DGKB: variants seen among roughly 807,000 people sequenced by gnomAD.
DGKB encodes 90 kDa diacylglycerol kinase.
A neutral mutation model predicts 114.3 loss-of-function variants in DGKB; 67 were observed. The observed-to-expected ratio is 0.59, with a 90% CI of 0.48 to 0.72. The LOEUF (loss-of-function observed/expected upper bound fraction) is 0.72. Among genes scored for constraint, DGKB ranks in the 30% least tolerant of loss-of-function variants. The pLI, the probability that DGKB is intolerant of heterozygous loss-of-function variation, is 0.00. For synonymous variants in DGKB, 398 were observed against 323.1 expected (o/e 1.23, Z -2.49); for missense variants, 907 against 975.2 (o/e 0.93, Z 0.93).
intron 2 of DGKB, among the ~76,000 whole-genome samples, chr7:14,818,337 C>G (rs1177528749): frequency 6.6e-6 from 1 of 152,160 alleles, no homozygotes; most frequent in African/African-American, 2.4e-5. Flanking sequence ...AGATACTTAA[C>G]TCTGCCTCCT....
chr7:14,532,526 T>A (rs1358738680), intron 20 of DGKB, among the ~76,000 whole-genome samples: 1 of 151,344 alleles, frequency 6.6e-6, no homozygotes, highest in Non-Finnish European at 1.5e-5. Context: ...TAAGTAAAAA[T>A]AGTGTTAGAG....
intron 23 of DGKB, among the ~76,000 whole-genome samples, chr7:14,291,522 C>G (rs1346353535): frequency 6.6e-6 from 1 of 152,066 alleles, no homozygotes; most frequent in Non-Finnish European, 1.5e-5. Flanking sequence ...TGGTTTCGTT[C>G]AGAAATCAGT....
intron 23 of DGKB, among the ~76,000 whole-genome samples, chr7:14,295,860 C>A (rs920932035): frequency 6.6e-6 from 1 of 151,964 alleles, no homozygotes; most frequent in Non-Finnish European, 1.5e-5. Flanking sequence ...ACCCTAGCCC[C>A]CCAACCCAGA....
At chr7:14,607,283 G>T in intron 17 of DGKB, 151 bp downstream of exon 17, 1 of 538,234 alleles carries the variant, frequency 1.9e-6, no homozygotes, top group Non-Finnish European at 3.4e-6. Context: ...ACCAGTATTT[G>T]CACTCATTTC....
intron 2 of DGKB, among the ~76,000 whole-genome samples, chr7:14,780,438 T>C (rs1203384812): frequency 6.6e-6 from 1 of 152,200 alleles, no homozygotes; most frequent in African/African-American, 2.4e-5. Flanking sequence ...CATATAATAG[T>C]GTTATTTATT....
chr7:14,174,412 G>T (rs1198630753), intron 25 of DGKB, among the ~76,000 whole-genome samples: 1 of 151,746 alleles, frequency 6.6e-6, no homozygotes, highest in South Asian at 2.1e-4. Flanking sequence ...GACATTCTAA[G>T]AACTTTTTTT....
chr7:14,383,119 C>A (rs1819754013), intron 21 of DGKB, among the ~76,000 whole-genome samples: 1 of 152,082 alleles, frequency 6.6e-6, no homozygotes, highest in South Asian at 2.1e-4. Context: ...AACTGGAATA[C>A]TGCTTTTTGT....
chr7:14,273,071 A>T (rs181877629), intron 23 of DGKB, among the ~76,000 whole-genome samples: 1 of 152,298 alleles, frequency 6.6e-6, no homozygotes, highest in Non-Finnish European at 1.5e-5. Flanking sequence ...GGGGTCTAGC[A>T]TGGTGACTCA....
chr7:14,243,195 A>G (rs1177410928), intron 23 of DGKB, among the ~76,000 whole-genome samples: 2 of 152,180 alleles, frequency 1.3e-5, no homozygotes, highest in Non-Finnish European at 2.9e-5. Context: ...ACACTTGCTT[A>G]TTGCTTTGAG....
intron 1 of DGKB, among the ~76,000 whole-genome samples, chr7:14,915,024 A>G (rs1784173350): frequency 6.6e-6 from 1 of 152,140 alleles, no homozygotes; most frequent in Non-Finnish European, 1.5e-5. Context: ...CTAACCAAGA[A>G]TTATGGGACA....
intron 20 of DGKB, among the ~76,000 whole-genome samples, chr7:14,504,992 T>C (rs1786803284): frequency 6.6e-6 from 1 of 152,168 alleles, no homozygotes; most frequent in Non-Finnish European, 1.5e-5. Context: ...TCAACACCTG[T>C]TGGGTCAGAA....
intron 21 of DGKB, among the ~76,000 whole-genome samples, chr7:14,350,412 A>C (rs1813237670): frequency 1.3e-5 from 2 of 151,884 alleles, no homozygotes; most frequent in African/African-American, 4.8e-5. Flanking sequence ...CAAACAAACG[A>C]AACAGTAAAG....
At chr7:14,784,411 AGGCTGGAAGGCAGT>A (rs1251442700) in intron 2 of DGKB, among the ~76,000 whole-genome samples, 2 of 136,700 alleles carry the variant, frequency 1.5e-5, no homozygotes, top group Non-Finnish European at 3.0e-5. Context: ...TCTGTAGCCC[AGGCTGGAAGGCAGT>A]GGTTCGATCT....
At chr7:14,888,514 A>G (rs2128222504) in intron 1 of DGKB, among the ~76,000 whole-genome samples, 1 of 151,864 alleles carries the variant, frequency 6.6e-6, no homozygotes, top group Admixed American at 6.6e-5. Flanking sequence ...ATTACATTTC[A>G]TGTTGCATTT....
chr7:14,640,852 G>A (rs1811639639), intron 13 of DGKB, among the ~76,000 whole-genome samples: 1 of 152,158 alleles, frequency 6.6e-6, no homozygotes, highest in Non-Finnish European at 1.5e-5. Flanking sequence ...GATTACCTTT[G>A]CAAGGTGGAA....
At chr7:14,376,904 C>G (rs1818575979) in intron 21 of DGKB, among the ~76,000 whole-genome samples, 1 of 152,142 alleles carries the variant, frequency 6.6e-6, no homozygotes, top group Non-Finnish European at 1.5e-5. Flanking sequence ...ATTTTGCTGA[C>G]AGTGAGAGTT....
chr7:14,441,872 C>G (rs1830133243), intron 21 of DGKB, among the ~76,000 whole-genome samples: 1 of 151,658 alleles, frequency 6.6e-6, no homozygotes, highest in Non-Finnish European at 1.5e-5. Flanking sequence ...TATAAATATC[C>G]TGATATTGAG....
intron 1 of DGKB, among the ~76,000 whole-genome samples, chr7:14,921,114 C>T (rs927028320): frequency 6.6e-6 from 1 of 151,884 alleles, no homozygotes; most frequent in East Asian, 1.9e-4. Flanking sequence ...TCTGACATTT[C>T]GAAAAGGCAA....
intron 23 of DGKB, among the ~76,000 whole-genome samples, chr7:14,303,379 A>T (rs1442215845): frequency 6.6e-6 from 1 of 152,146 alleles, no homozygotes; most frequent in African/African-American, 2.4e-5. Flanking sequence ...ACCTAAAGCC[A>T]TATTCACCTT....
Sources: gnomAD v4.1 joint callset for allele counts (sites outside exome capture counted in the v4.1 genomes callset) on GRCh38, gnomAD v4.1.1 for gene constraint, MANE v1.5 for transcripts, NCBI Gene and HGNC (gene_info 2026-07-23, HGNC 2026-07-21) for gene names.